The following FKTN variants were observed in gnomAD, a reference collection of about 807,000 sequenced individuals.
FKTN encodes fukutin, also known as ribitol-5-phosphate transferase FKTN.
Under a neutral mutation model 58.6 loss-of-function variants are expected in FKTN, and 47 were observed. The ratio of observed to expected loss-of-function variants is 0.80; its 90% CI spans 0.63 to 1.02. The LOEUF (loss-of-function observed/expected upper bound fraction) is 1.02. Ranked by LOEUF, FKTN falls within the 50% of genes least tolerant of loss-of-function variation. The probability of loss-of-function intolerance (pLI) is 0.00; values close to 1 mark genes in which losing one functional copy is unlikely to be tolerated. For missense variants in FKTN, 516 were observed against 537.3 expected, an observed-to-expected ratio of 0.96 and a Z score of 0.39; for synonymous variants, 178 against 191.9, an observed-to-expected ratio of 0.93 and a Z score of 0.60.
chr9:105,617,339 T>C (rs973589327), intron 8 of FKTN, among the ~76,000 whole-genome samples: 1 of 152,186 alleles, frequency 6.6e-6, no homozygotes, highest in Non-Finnish European at 1.5e-5. Flanking sequence ...CTTAGAAATA[T>C]CATTTGGCAG....
chr9:105,617,429 C>A (rs1250904430), intron 8 of FKTN, among the ~76,000 whole-genome samples: 2 of 152,022 alleles, frequency 1.3e-5, no homozygotes, highest in African/African-American at 4.8e-5. Context: ...CTGTTAGGTT[C>A]TACAAATTAT....
intron 10 of FKTN, 124 bp downstream of exon 10, chr9:105,620,185 T>C (rs1280122288): frequency 1.3e-6 from 1 of 764,376 alleles, no homozygotes; most frequent in Non-Finnish European, 2.2e-6. Flanking sequence ...TAGCTAACAC[T>C]TTCTTAGCTT....
Position 105,635,657 on chromosome 9 carries a change from A to G in FKTN, c.*393A>G. On this transcript the variant is annotated 3_prime_UTR_variant, in exon 11 of 11. Coordinates refer to ENST00000357998, the MANE Select transcript of FKTN (RefSeq NM_001079802.2). ...ACCAGGCAAAGCTAAGGAAGGATATACTAGTTGAAAAGAATAACCCACTCC... is the reference window on the plus strand; with the variant it reads ...ACCAGGCAAAGCTAAGGAAGGATATGCTAGTTGAAAAGAATAACCCACTCC... 1.8e-6 allele frequency: 2 copies of G among 1,114,026 alleles called. No individual in the cohort carries two copies. The highest frequency in any genetic ancestry group is 4.1e-4 in the Middle Eastern group (1 of 2,418). The allele number at this position is 1,114,026 out of a possible 1,614,324, so 69.0% of individuals were successfully genotyped here.
In FKTN at chr9:105,636,525, T is replaced by G. The variant is rs1428573406; in HGVS notation, c.*1261T>G. 1 of 1,051,266 alleles carries G rather than the reference T, an allele frequency of 9.5e-7. No homozygotes were observed. Among genetic ancestry groups the G allele is most frequent in the African/African-American group, 1.7e-5 (1 of 59,386 alleles). 65.1% of individuals were successfully genotyped at this position (1,051,266 alleles called of 1,614,324 possible). On this transcript the variant is annotated 3_prime_UTR_variant, in exon 11 of 11. Coordinates refer to ENST00000357998, the MANE Select transcript of FKTN (RefSeq NM_001079802.2). Reference sequence around the variant, plus strand: ...CAAGTACCACACACTCTGGAATGCTTTAGTTTCCTTTTCCCCTCAAGATGT... The same window carrying G: ...CAAGTACCACACACTCTGGAATGCTGTAGTTTCCTTTTCCCCTCAAGATGT...
At position 105,606,713 on chromosome 9, in the gene FKTN, C is replaced by CTCTA. The variant is rs386415742; in HGVS notation, c.648-1102_648-1099dup. Among the ~76,000 whole-genome samples the CTCTA allele has an allele frequency of 4.0e-3, 597 of 149,302 alleles. 6 individuals carry two copies. Among genetic ancestry groups the CTCTA allele is most frequent in the Non-Finnish European group, 3.5e-3 (237 of 67,222 alleles). On this transcript the variant is annotated intron_variant, in intron 6 of 10. Transcript: ENST00000357998. ...TATATATTATATATATATGTTTTCT[C>CTCTA]TCTATCTGGAATCATGTGAGATTGC...
intron 1 of FKTN, among the ~76,000 whole-genome samples, chr9:105,561,745 G>C (rs1057189463): frequency 1.3e-5 from 2 of 152,196 alleles, no homozygotes; most frequent in Non-Finnish European, 1.5e-5. Flanking sequence ...AGCAGGTAAA[G>C]AAACTTCTTA....
At chr9:105,624,719 C>T (rs1334303271) in intron 10 of FKTN, among the ~76,000 whole-genome samples, 2 of 151,828 alleles carry the variant, frequency 1.3e-5, no homozygotes, top group East Asian at 3.9e-4. Flanking sequence ...CCCTCCCTGT[C>T]GTCCCAGTCT....
Position 105,635,267 on chromosome 9 carries a change from T to C in FKTN, c.*3T>C. On this transcript the variant is annotated 3_prime_UTR_variant, in exon 11 of 11. Transcript: ENST00000357998. Reference sequence around the variant, plus strand: ...ATGAGGTTATCCAGTTATATTGAGATAGTAGGTTGAAATGGGAGAATTTCT... The same window carrying C: ...ATGAGGTTATCCAGTTATATTGAGACAGTAGGTTGAAATGGGAGAATTTCT... 2 of 1,613,818 alleles carry C rather than the reference T, an allele frequency of 1.2e-6. No individual in the cohort carries two copies. The highest frequency in any genetic ancestry group is 1.7e-6 in the Non-Finnish European group (2 of 1,179,678).
chr9:105,562,131 T>G (rs991989338), intron 1 of FKTN, among the ~76,000 whole-genome samples: 1 of 152,260 alleles, frequency 6.6e-6, no homozygotes, highest in Non-Finnish European at 1.5e-5. Context: ...GAAGGATTCT[T>G]CCTGTGCGCT....
Position 105,639,353 on chromosome 9 carries a change from G to A in FKTN, c.*4089G>A. 1.1e-6 allele frequency: 1 copy of A among 921,898 alleles called. No homozygotes were observed. Among genetic ancestry groups the A allele is most frequent in the Non-Finnish European group, 1.3e-6 (1 of 772,020 alleles). 57.1% of individuals were successfully genotyped at this position (921,898 alleles called of 1,614,324 possible). A position where few individuals can be genotyped will look rare whatever the true frequency, so the allele number is the denominator to read the frequency against. ...AAAAAGACCACAAGCTTTTGAGTTA[G>A]GCCTGAATTTGAATTTCAGCTTAAT... On this transcript the variant is annotated 3_prime_UTR_variant, in exon 11 of 11. Transcript: ENST00000357998.
intron 10 of FKTN, among the ~76,000 whole-genome samples, chr9:105,630,872 A>G (rs973127935): frequency 6.6e-6 from 1 of 152,146 alleles, no homozygotes; most frequent in Non-Finnish European, 1.5e-5. Context: ...GGTGGCTCAC[A>G]TCTGTAATCT....
intron 3 of FKTN, among the ~76,000 whole-genome samples, chr9:105,582,438 C>T (rs1002510412): frequency 6.6e-6 from 1 of 152,298 alleles, no homozygotes; most frequent in South Asian, 2.1e-4. Flanking sequence ...TCAGGCAGTT[C>T]TGTCACCTCA....
chr9:105,617,856 T>TA, intron 8 of FKTN, 103 bp from the exon 9 acceptor site: 1 of 802,690 alleles, frequency 1.2e-6, no homozygotes, highest in Non-Finnish European at 2.0e-6. Context: ...CTCTGTCTCT[T>TA]TAAAAAAAAA....
At chr9:105,589,726 G>A (rs749999767) in intron 3 of FKTN, among the ~76,000 whole-genome samples, 1 of 152,084 alleles carries the variant, frequency 6.6e-6, no homozygotes, top group Non-Finnish European at 1.5e-5. Flanking sequence ...AGTTCTTCAG[G>A]TGAAGAAGGA....
rs978428525 is a variant in FKTN at position 105,635,408 on chromosome 9, G to A, written c.*144G>A. The A allele has an allele frequency of 8.5e-5, 128 of 1,498,344 alleles. No individual in the cohort carries two copies. Among genetic ancestry groups the A allele is most frequent in the Non-Finnish European group, 1.1e-4 (123 of 1,128,902 alleles). 92.8% of individuals were successfully genotyped at this position (1,498,344 alleles called of 1,614,324 possible). A position where few individuals can be genotyped will look rare whatever the true frequency, so the allele number is the denominator to read the frequency against. On this transcript the variant is annotated 3_prime_UTR_variant, in exon 11 of 11. Coordinates refer to ENST00000357998, the MANE Select transcript of FKTN (RefSeq NM_001079802.2). Reference sequence around the variant, plus strand: ...GAAGACACAGAAAGAGTCATCTGATGTAATTCTCTCACTTAGTACTGAGGA... The same window carrying A: ...GAAGACACAGAAAGAGTCATCTGATATAATTCTCTCACTTAGTACTGAGGA...
In FKTN at chr9:105,615,325, T is replaced by G. The variant is rs1564318853; in HGVS notation, c.828T>G (p.Ser276Arg). ...NTVEAVAFRK[S>R]AKELLQLAAK... The stretch of plus-strand genomic sequence containing the variant: ...TGGAAGCTGTGGCCTTTCGGAAGAG[T>G]GCAAAGGAATTACTGCAACTAGCAG... The change falls in exon 8 of 11, where the codon AGT becomes AGG. Residue 276 changes from serine (S) to arginine (R), a missense_variant. Ser to Arg is a moderately radical substitution (Grantham distance 110). Transcript: ENST00000357998. 6.2e-7 allele frequency: 1 copy of G among 1,613,734 alleles called. No individual in the cohort carries two copies. The highest frequency in any genetic ancestry group is 1.7e-5 in the Admixed American group (1 of 60,022).
At chr9:105,560,873 G>C (rs1237901595) in intron 1 of FKTN, among the ~76,000 whole-genome samples, 2 of 152,230 alleles carry the variant, frequency 1.3e-5, no homozygotes, top group East Asian at 3.9e-4. Flanking sequence ...TGGATCACGA[G>C]GTCAAGAGAT....
Position 105,639,077 on chromosome 9 carries a change from GT to G in FKTN, c.*3815del, listed in dbSNP as rs1834250603. 2.0e-6 allele frequency: 2 copies of G among 984,462 alleles called. No homozygotes were observed. The highest frequency in any genetic ancestry group is 2.4e-6 in the Non-Finnish European group (2 of 829,224). 61.0% of individuals were successfully genotyped at this position (984,462 alleles called of 1,614,324 possible). A position where few individuals can be genotyped will look rare whatever the true frequency, so the allele number is the denominator to read the frequency against. ...GTGAACAGTTTTTTAAATCCTAAAT[GT>G]TATAAATCCTTAGGAGAAATATTCC... On this transcript the variant is annotated 3_prime_UTR_variant, in exon 11 of 11. Transcript: ENST00000357998.
At chr9:105,634,215 T>G (rs912508829) in intron 10 of FKTN, among the ~76,000 whole-genome samples, 1 of 151,976 alleles carries the variant, frequency 6.6e-6, no homozygotes, top group African/African-American at 2.4e-5. Context: ...CACTGCAACC[T>G]CCACCTCCAG....
Sources: allele counts gnomAD v4.1 joint callset (sites outside exome capture counted in the v4.1 genomes callset), GRCh38; gene constraint gnomAD v4.1.1; transcripts MANE v1.5; gene names NCBI Gene and HGNC (gene_info 2026-07-23, HGNC 2026-07-21).